The following NELL1 variants were observed in gnomAD, a reference collection of about 807,000 sequenced individuals.
NELL1 encodes the protein neural EGFL like 1, also known as protein kinase C-binding protein NELL1.
In NELL1, 76 loss-of-function variants were observed where a neutral mutation model predicts 107.4. That is an observed-to-expected ratio of 0.71 (90% CI 0.59 to 0.86). The LOEUF is 0.86. NELL1 is among the 40% of genes least tolerant of loss of function. The pLI is 0.00. For synonymous variants in NELL1, 353 were observed against 341.2 expected (o/e 1.03, Z -0.38); for missense variants, 1,024 against 1,005.5 (o/e 1.02, Z -0.25).
At chr11:21,487,379 T>C (rs1854661464) in intron 15 of NELL1, among the ~76,000 whole-genome samples, 1 of 152,114 alleles carries the variant, frequency 6.6e-6, no homozygotes, top group Non-Finnish European at 1.5e-5. Context: ...AAGTGAGGGA[T>C]AAAGTCTTTC....
intron 12 of NELL1, among the ~76,000 whole-genome samples, chr11:21,059,918 G>C (rs1853699687): frequency 6.6e-6 from 1 of 152,122 alleles, no homozygotes; most frequent in Non-Finnish European, 1.5e-5. Context: ...ATTTAAACTA[G>C]AGAAAGTCTT....
chr11:21,238,224 C>T (rs541161391), intron 14 of NELL1, among the ~76,000 whole-genome samples: 169 of 152,118 alleles, frequency 1.1e-3, no homozygotes, highest in African/African-American at 4.0e-3. Flanking sequence ...AACACATCAA[C>T]AAGTCTATCA....
intron 16 of NELL1, among the ~76,000 whole-genome samples, chr11:21,548,270 A>G (rs1290140636): frequency 6.6e-6 from 1 of 151,966 alleles, no homozygotes; most frequent in African/African-American, 2.4e-5. Flanking sequence ...ATTGCCTTTT[A>G]TAAATATTAA....
rs559734825 is a variant in NELL1, at chr11:21,402,265, C to T, written c.1645+31317C>T. ...GATTCTACTTTGATCTCTTTCTATACTTTGAGTACACCCTTTTCCTCACAC... is the reference window on the plus strand; with the variant it reads ...GATTCTACTTTGATCTCTTTCTATATTTTGAGTACACCCTTTTCCTCACAC... On this transcript the variant is annotated intron_variant, in intron 15 of 19. Coordinates refer to ENST00000357134, the MANE Select transcript of NELL1 (RefSeq NM_006157.5). 5.3e-5 allele frequency among the ~76,000 whole-genome samples: 8 copies of T among 151,912 alleles called. No individual in the cohort carries two copies. The East Asian group carries it at 1.6e-3, about 30-fold the overall frequency.
At chr11:21,346,632 ATAT>A (rs1850688563) in intron 14 of NELL1, among the ~76,000 whole-genome samples, 1 of 148,110 alleles carries the variant, frequency 6.8e-6, no homozygotes, top group South Asian at 2.1e-4. Context: ...TATCAAATAT[ATAT>A]TAATTATATG....
intron 13 of NELL1, among the ~76,000 whole-genome samples, chr11:21,174,700 T>C (rs139191630): frequency 1.3e-5 from 2 of 151,880 alleles, no homozygotes; most frequent in East Asian, 3.9e-4. Flanking sequence ...CCACTATTCT[T>C]AGTCATTTTT....
intron 10 of NELL1, among the ~76,000 whole-genome samples, chr11:20,945,331 G>A (rs1004510312): frequency 5.9e-5 from 9 of 152,184 alleles, no homozygotes; most frequent in African/African-American, 1.7e-4. Flanking sequence ...GTCTCTCTTC[G>A]AGGTAAAGAA....
chr11:20,900,655 C>T (rs1185673091), intron 5 of NELL1, among the ~76,000 whole-genome samples: 3 of 151,898 alleles, frequency 2.0e-5, no homozygotes, highest in Non-Finnish European at 4.4e-5. Context: ...AGACAAGGAC[C>T]GTATGAGAAG....
intron 2 of NELL1, among the ~76,000 whole-genome samples, chr11:20,688,671 A>G (rs538089366): frequency 4.6e-5 from 7 of 152,224 alleles, no homozygotes; most frequent in African/African-American, 1.7e-4. Flanking sequence ...TGTCTTTGCT[A>G]TTGTGAATAG....
chr11:20,808,685 T>G (rs930282805), intron 3 of NELL1, among the ~76,000 whole-genome samples: 7 of 152,218 alleles, frequency 4.6e-5, no homozygotes, highest in Non-Finnish European at 1.0e-4. Flanking sequence ...GAAACTCAGA[T>G]TCTGACCATT....
At chr11:21,187,652 C>A (rs1856963082) in intron 13 of NELL1, among the ~76,000 whole-genome samples, 2 of 151,898 alleles carry the variant, frequency 1.3e-5, no homozygotes, top group East Asian at 3.9e-4. Context: ...AGGCTCTCTT[C>A]TGACCTCTTC....
chr11:20,830,929 G>A (rs146125800), intron 3 of NELL1, among the ~76,000 whole-genome samples: 156 of 152,112 alleles, frequency 1.0e-3, no homozygotes, highest in African/African-American at 3.6e-3. Flanking sequence ...CACCACACTG[G>A]AGATCAAATT....
intron 13 of NELL1, chr11:21,169,635 C>T (rs1441490389): frequency 5.0e-6 from 2 of 397,248 alleles, no homozygotes; most frequent in Non-Finnish European, 9.0e-6. Context: ...CATATTCTTT[C>T]TCTTAGTATG....
chr11:21,361,035 C>T (rs1218194560), intron 14 of NELL1, among the ~76,000 whole-genome samples: 1 of 152,026 alleles, frequency 6.6e-6, no homozygotes, highest in Admixed American at 6.6e-5. Flanking sequence ...CTTTTTCCCC[C>T]ACTGTGTTAT....
At chr11:21,519,495 G>A (rs1340665446) in intron 15 of NELL1, among the ~76,000 whole-genome samples, 1 of 151,692 alleles carries the variant, frequency 6.6e-6, no homozygotes, top group Non-Finnish European at 1.5e-5. Flanking sequence ...CTTGGGCTAG[G>A]AGATAGGCTT....
intron 10 of NELL1, among the ~76,000 whole-genome samples, chr11:20,943,544 C>G (rs1850901352): frequency 6.6e-6 from 1 of 152,022 alleles, no homozygotes; most frequent in Non-Finnish European, 1.5e-5. Context: ...GATTGCGCCA[C>G]TGCACTCCAG....
chr11:20,881,622 T>C (rs113631215), intron 4 of NELL1, among the ~76,000 whole-genome samples: 2,780 of 152,354 alleles, frequency 0.018, 39 homozygotes, highest in Non-Finnish European at 0.027. Context: ...TTATGTCTGC[T>C]CTTTCAGCTC....
chr11:21,253,269 G>A (rs1369967402), intron 14 of NELL1, among the ~76,000 whole-genome samples: 1 of 151,970 alleles, frequency 6.6e-6, no homozygotes, highest in Non-Finnish European at 1.5e-5. Flanking sequence ...TGTCTTTCTA[G>A]ACTATTTTGT....
chr11:21,275,408 A>G (rs1848831967), intron 14 of NELL1, among the ~76,000 whole-genome samples: 2 of 152,210 alleles, frequency 1.3e-5, no homozygotes, highest in Admixed American at 6.5e-5. Context: ...GCAATAATTA[A>G]TAGCTTACCA....
Sources: allele counts gnomAD v4.1 joint callset (sites outside exome capture counted in the v4.1 genomes callset), GRCh38; gene constraint gnomAD v4.1.1; transcripts MANE v1.5; gene names NCBI Gene and HGNC (gene_info 2026-07-23, HGNC 2026-07-21).